The following COL4A5 variants were observed in gnomAD, a reference collection of about 807,000 sequenced individuals.
COL4A5 encodes collagen type IV alpha 5 chain, also known as collagen alpha-5(IV) chain.
A neutral mutation model predicts 130.2 loss-of-function variants in COL4A5; 26 were observed. The observed-to-expected ratio is 0.20, with a 90% CI of 0.15 to 0.28. The LOEUF (loss-of-function observed/expected upper bound fraction) is 0.28. Among genes scored for constraint, COL4A5 ranks in the 10% least tolerant of loss-of-function variants. The pLI, the probability that COL4A5 is intolerant of heterozygous loss-of-function variation, is 1.00. For synonymous variants in COL4A5, 496 were observed against 439.6 expected (o/e 1.13, Z -1.60); for missense variants, 1,131 against 1,344.3 (o/e 0.84, Z 2.48).
intron 1 of COL4A5, among the ~76,000 whole-genome samples, chrX:108,478,328 C>T (rs1330817917): frequency 9.0e-6 from 1 of 111,008 alleles, no homozygotes. Flanking sequence ...CCCTCTGGAA[C>T]TAAGACCTCT....
chrX:108,647,936 T>G (rs142102820), intron 36 of COL4A5, among the ~76,000 whole-genome samples: 11,573 of 111,305 alleles, frequency 0.1, 1,299 homozygotes, highest in African/African-American at 0.34. Flanking sequence ...GAAGCCCACT[T>G]GATCATGGTG....
intron 9 of COL4A5, 89 bp from the exon 10 acceptor site, chrX:108,575,821 A>G: frequency 3.1e-6 from 2 of 648,129 alleles, no homozygotes; most frequent in Non-Finnish European, 4.9e-6. Context: ...TGGGCGACAC[A>G]AGTGAGACTT....
chrX:108,560,765 A>G (rs1463507055), intron 3 of COL4A5, among the ~76,000 whole-genome samples: 1 of 112,198 alleles, frequency 8.9e-6, no homozygotes, highest in Non-Finnish European at 1.9e-5. Flanking sequence ...ATAATACCCC[A>G]AGAAGAGTGC....
At chrX:108,465,185 G>A (rs1215057963) in intron 1 of COL4A5, among the ~76,000 whole-genome samples, 1 of 111,877 alleles carries the variant, frequency 8.9e-6, no homozygotes, top group African/African-American at 3.2e-5. Flanking sequence ...TTGCTGGGCT[G>A]CATAAATATG....
intron 1 of COL4A5, among the ~76,000 whole-genome samples, chrX:108,510,464 T>C (rs1272944262): frequency 9.0e-6 from 1 of 111,068 alleles, no homozygotes; most frequent in South Asian, 3.9e-4. Context: ...ATCCTTTGTC[T>C]TTCCCACCAA....
chrX:108,671,476 G>A lies in COL4A5; in HGVS notation c.3799+1240G>A, dbSNP rs145418497. On this transcript the variant is annotated intron_variant, in intron 42 of 52. Transcript: ENST00000328300. ...ACCATAGAATGTCAGATCTAGAAGGGACCTAAGTTTTACCTATGTCGAGGA... is the reference window on the plus strand; with the variant it reads ...ACCATAGAATGTCAGATCTAGAAGGAACCTAAGTTTTACCTATGTCGAGGA... Among the ~76,000 whole-genome samples, 221 of 111,980 alleles carry A rather than the reference G, an allele frequency of 2.0e-3. 3 individuals are homozygous for A. The highest frequency in any genetic ancestry group is 0.015 in the East Asian group (54 of 3,556).
intron 1 of COL4A5, among the ~76,000 whole-genome samples, chrX:108,539,432 G>A (rs974827137): frequency 3.6e-5 from 4 of 111,758 alleles, no homozygotes; most frequent in Non-Finnish European, 7.5e-5. Flanking sequence ...GTAAGTAGAA[G>A]ATGGTGTAGC....
intron 1 of COL4A5, among the ~76,000 whole-genome samples, chrX:108,516,692 A>G (rs184735734): frequency 8.9e-6 from 1 of 112,103 alleles, no homozygotes; most frequent in East Asian, 2.8e-4. Context: ...AATCATTCTA[A>G]ATGATACTGG....
At chrX:108,477,757 A>C (rs1045022196) in intron 1 of COL4A5, among the ~76,000 whole-genome samples, 1 of 104,653 alleles carries the variant, frequency 9.6e-6, no homozygotes, top group Non-Finnish European at 2.0e-5. Flanking sequence ...CAGAGGTTGC[A>C]GTGAGCTGAG....
chrX:108,621,005 T>C (rs1172721000), intron 31 of COL4A5, among the ~76,000 whole-genome samples: 1 of 111,344 alleles, frequency 9.0e-6, no homozygotes, highest in East Asian at 2.8e-4. Flanking sequence ...TCTTTCGCTC[T>C]CTCTCTCCCT....
chrX:108,562,559 T>C (rs1403075285), intron 3 of COL4A5, among the ~76,000 whole-genome samples: 1 of 111,976 alleles, frequency 8.9e-6, no homozygotes, highest in African/African-American at 3.2e-5. Flanking sequence ...CAATCTTTTT[T>C]TGTGATTTCA....
At chrX:108,445,799 C>T (rs1480874507) in intron 1 of COL4A5, among the ~76,000 whole-genome samples, 2 of 111,488 alleles carry the variant, frequency 1.8e-5, no homozygotes, top group Non-Finnish European at 3.8e-5. Flanking sequence ...AACAGCTGCT[C>T]AATGTTGGAA....
Position 108,578,644 on chromosome X carries a change from TA to T in COL4A5, c.780+262del, listed in dbSNP as rs200433454. ...GCTGAAATGTGGTTATATATAAGGG[TA>T]TTTTTTTTTAAATAACAAGGATTTG... On this transcript the variant is annotated intron_variant, in intron 13 of 52. Transcript: ENST00000328300. Among the ~76,000 whole-genome samples, 585 of 110,136 alleles carry T rather than the reference TA, an allele frequency of 5.3e-3. No homozygotes were observed. Among genetic ancestry groups the T allele is most frequent in the Non-Finnish European group, 7.9e-3 (418 of 52,780 alleles).
At chrX:108,511,038 T>A (rs1048626361) in intron 1 of COL4A5, among the ~76,000 whole-genome samples, 9 of 111,512 alleles carry the variant, frequency 8.1e-5, no homozygotes, top group Non-Finnish European at 1.7e-4. Context: ...TGTTCAAAAC[T>A]ACAAAGAAGT....
At chrX:108,580,953 G>A in intron 15 of COL4A5, 30 bp from the exon 16 acceptor site, 1 of 1,181,976 alleles carries the variant, frequency 8.5e-7, no homozygotes, top group African/African-American at 1.8e-5. Flanking sequence ...AATGTATGTT[G>A]TTGCCCTATC....
intron 26 of COL4A5, 111 bp downstream of exon 26, chrX:108,601,596 G>A (rs2066630753): frequency 1.8e-6 from 1 of 553,089 alleles, no homozygotes; most frequent in Admixed American, 3.2e-5. Flanking sequence ...GCGTGATGTT[G>A]GCTTGCTGCA....
intron 1 of COL4A5, among the ~76,000 whole-genome samples, chrX:108,452,484 A>G (rs1389068746): frequency 9.0e-6 from 1 of 111,681 alleles, no homozygotes; most frequent in African/African-American, 3.3e-5. Context: ...ATTTGTTTGT[A>G]TCCTCTTTTA....
At chrX:108,503,667 C>CAA (rs34940683) in intron 1 of COL4A5, among the ~76,000 whole-genome samples, 2 of 111,414 alleles carry the variant, frequency 1.8e-5, no homozygotes, top group East Asian at 2.8e-4. Flanking sequence ...ACAACAGCTA[C>CAA]AAAAAGTAAA....
At chrX:108,446,815 C>G (rs914929510) in intron 1 of COL4A5, among the ~76,000 whole-genome samples, 1 of 111,518 alleles carries the variant, frequency 9.0e-6, no homozygotes, top group Non-Finnish European at 1.9e-5. Context: ...TTCTGTAAAC[C>G]CTTCTGTGAC....
Sources: gnomAD v4.1 joint callset for allele counts (sites outside exome capture counted in the v4.1 genomes callset) on GRCh38, gnomAD v4.1.1 for gene constraint, MANE v1.5 for transcripts, NCBI Gene and HGNC (gene_info 2026-07-23, HGNC 2026-07-21) for gene names.